OR3A2: variants seen among roughly 807,000 people sequenced by gnomAD.
The protein encoded by OR3A2 is olfactory receptor family 3 subfamily A member 2.
For synonymous variants in OR3A2, 126 were observed against 159.3 expected, an observed-to-expected ratio of 0.79 and a Z score of 1.57; for missense variants, 318 against 392.8, an observed-to-expected ratio of 0.81 and a Z score of 1.61.
At chr17:3,283,658 A>C (rs1185055475) in intron 1 of OR3A2, among the ~76,000 whole-genome samples, 1 of 152,212 alleles carries the variant, frequency 6.6e-6, no homozygotes, top group Non-Finnish European at 1.5e-5. Context: ...GGGGAGGTCC[A>C]GGTTAAGTGC....
intron 3 of OR3A2, chr17:3,298,158 A>G (rs2048935066): frequency 6.6e-6 from 1 of 152,216 alleles, no homozygotes; most frequent in African/African-American, 2.4e-5. Context: ...AGAATAGGCT[A>G]GAAGAGTACA....
intron 3 of OR3A2, among the ~76,000 whole-genome samples, chr17:3,298,789 G>C (rs2048940946): frequency 6.6e-6 from 1 of 152,146 alleles, no homozygotes; most frequent in Non-Finnish European, 1.5e-5. Flanking sequence ...GCACTGTGCA[G>C]GCCTGTGCTC....
At chr17:3,385,189 C>T (rs952168080) in intron 1 of OR3A2, among the ~76,000 whole-genome samples, 5 of 152,054 alleles carry the variant, frequency 3.3e-5, no homozygotes, top group Non-Finnish European at 5.9e-5. Flanking sequence ...AGTGAAACTC[C>T]GTCTCAAAAT....
chr17:3,284,802 G>T (rs141075156), upstream of OR3A2, among the ~76,000 whole-genome samples: 115 of 142,532 alleles, frequency 8.1e-4, 8 homozygotes, highest in East Asian at 0.018. Flanking sequence ...TGCAGCTGGA[G>T]ACTCTATATG....
chr17:3,346,551 A>G (rs927288196), intron 2 of OR3A2, among the ~76,000 whole-genome samples: 1 of 152,176 alleles, frequency 6.6e-6, no homozygotes, highest in Non-Finnish European at 1.5e-5. Flanking sequence ...TATAGCAATT[A>G]TACTATTTCA....
chr17:3,324,834 G>A (rs554265331), intron 3 of OR3A2, among the ~76,000 whole-genome samples: 7 of 152,150 alleles, frequency 4.6e-5, no homozygotes, highest in East Asian at 3.9e-4. Flanking sequence ...CAGTCTGCCC[G>A]TTCTCAGATC....
At chr17:3,326,190 T>C (rs533501925) in intron 3 of OR3A2, among the ~76,000 whole-genome samples, 2 of 152,248 alleles carry the variant, frequency 1.3e-5, no homozygotes, top group East Asian at 1.9e-4. Flanking sequence ...CAGTCTATCA[T>C]TGATGGGCAT....
chr17:3,354,577 C>A (rs2049448760), intron 2 of OR3A2, among the ~76,000 whole-genome samples: 1 of 151,160 alleles, frequency 6.6e-6, no homozygotes. Flanking sequence ...ACTAATGATC[C>A]TTCAAAGTTC....
chr17:3,301,842 T>C (rs975296649), intron 3 of OR3A2, among the ~76,000 whole-genome samples: 23 of 152,196 alleles, frequency 1.5e-4, no homozygotes, highest in African/African-American at 5.3e-4. Flanking sequence ...TTTAAGTCTT[T>C]AATCCATCTT....
intron 2 of OR3A2, among the ~76,000 whole-genome samples, chr17:3,362,870 C>T (rs1011501340): frequency 6.6e-6 from 1 of 151,836 alleles, no homozygotes; most frequent in African/African-American, 2.4e-5. Flanking sequence ...AGGCCCAACA[C>T]TATGGAGAAG....
chr17:3,351,996 C>A (rs909683460), intron 2 of OR3A2, among the ~76,000 whole-genome samples: 9 of 152,268 alleles, frequency 5.9e-5, no homozygotes, highest in Non-Finnish European at 1.2e-4. Context: ...AAAGCTGAAA[C>A]TGGATCCCTT....
At chr17:3,290,253 C>A (rs2048853650) in intron 3 of OR3A2, among the ~76,000 whole-genome samples, 2 of 152,118 alleles carry the variant, frequency 1.3e-5, no homozygotes, top group South Asian at 4.1e-4. Flanking sequence ...ATGTGTGACC[C>A]ACTTATTTTA....
chr17:3,382,224 CTCTA>C (rs1295622758), intron 2 of OR3A2, among the ~76,000 whole-genome samples: 3 of 152,180 alleles, frequency 2.0e-5, no homozygotes, highest in African/African-American at 4.8e-5. Flanking sequence ...GCCACCGGCA[CTCTA>C]TCTAACAGGC....
intron 2 of OR3A2, among the ~76,000 whole-genome samples, chr17:3,345,320 G>C (rs1314150374): frequency 6.6e-6 from 1 of 152,130 alleles, no homozygotes; most frequent in Non-Finnish European, 1.5e-5. Flanking sequence ...CACCCTTTCA[G>C]AGAACTTCCA....
intron 1 of OR3A2, among the ~76,000 whole-genome samples, chr17:3,384,763 G>T (rs1316930645): frequency 1.3e-5 from 2 of 152,042 alleles, no homozygotes; most frequent in Non-Finnish European, 2.9e-5. Flanking sequence ...AGTTTTATTG[G>T]AACAGTACTG....
At chr17:3,358,859 G>A (rs144816346) in intron 2 of OR3A2, among the ~76,000 whole-genome samples, 2,452 of 151,688 alleles carry the variant, frequency 0.016, 151 homozygotes, top group African/African-American at 0.056. Flanking sequence ...TTGATGATCT[G>A]TCTAATACTG....
At chr17:3,342,334 A>C (rs1049301951) in intron 2 of OR3A2, among the ~76,000 whole-genome samples, 17 of 152,154 alleles carry the variant, frequency 1.1e-4, no homozygotes, top group African/African-American at 4.1e-4. Context: ...AATCCTTTGG[A>C]GGAGAAGAGG....
intron 2 of OR3A2, among the ~76,000 whole-genome samples, chr17:3,345,312 C>T (rs1166345648): frequency 6.6e-6 from 1 of 152,162 alleles, no homozygotes; most frequent in Admixed American, 6.5e-5. Flanking sequence ...ACAAGCCTCA[C>T]CCTTTCAGAG....
chr17:3,278,684 A>G, exon 2 of OR3A2: 1 of 1,370,222 alleles, frequency 7.3e-7, no homozygotes, highest in Non-Finnish European at 1.0e-6. Flanking sequence ...GAACAGTGAC[A>G]GTGATACATC....
Sources: gnomAD v4.1 joint callset for allele counts (sites outside exome capture counted in the v4.1 genomes callset) on GRCh38, gnomAD v4.1.1 for gene constraint, MANE v1.5 for transcripts, NCBI Gene and HGNC (gene_info 2026-07-23, HGNC 2026-07-21) for gene names.